The following PTPRD variants were observed in gnomAD, a reference collection of about 807,000 sequenced individuals.
PTPRD encodes receptor-type tyrosine-protein phosphatase delta.
A neutral mutation model predicts 214.5 loss-of-function variants in PTPRD; 34 were observed. The observed-to-expected ratio is 0.16, with a 90% confidence interval of 0.12 to 0.21. The LOEUF is 0.21. Among genes scored for constraint, PTPRD ranks in the 10% least tolerant of loss-of-function variants. PTPRD has a pLI of 1.00. For missense variants in PTPRD, 2,545 were observed against 2,398.7 expected (o/e 1.06, Z -1.27); for synonymous variants, 1,128 against 845.7 (o/e 1.33, Z -5.79).
intron 9 of PTPRD, among the ~76,000 whole-genome samples, chr9:9,352,673 C>T (rs775384973): frequency 1.3e-4 from 19 of 151,768 alleles, no homozygotes; most frequent in African/African-American, 2.2e-4. Flanking sequence ...AATGTAGAAA[C>T]GTGTAAGCAT....
At chr9:9,175,768 T>C (rs562349724) in intron 10 of PTPRD, among the ~76,000 whole-genome samples, 1 of 151,550 alleles carries the variant, frequency 6.6e-6, no homozygotes, top group Non-Finnish European at 1.5e-5. Context: ...CAAGTACCTC[T>C]CCCCATGGTC....
chr9:8,713,895 GA>G (rs149237265), intron 12 of PTPRD: 158,734 of 592,380 alleles, frequency 0.27, 3,061 homozygotes, highest in South Asian at 0.36. Flanking sequence ...CGCCCCGGTG[GA>G]AAAAAAAAAA....
At chr9:9,465,438 C>T (rs1265113722) in intron 8 of PTPRD, among the ~76,000 whole-genome samples, 2 of 152,124 alleles carry the variant, frequency 1.3e-5, no homozygotes, top group Non-Finnish European at 2.9e-5. Flanking sequence ...TTGTTTGAGT[C>T]AGAGGAGTCC....
chr9:8,687,095 C>G (rs1597011024), intron 12 of PTPRD, among the ~76,000 whole-genome samples: 1 of 152,146 alleles, frequency 6.6e-6, no homozygotes, highest in African/African-American at 2.4e-5. Context: ...ATGCTGGATA[C>G]ATTCTGAATG....
chr9:9,178,611 T>C (rs942249532), intron 10 of PTPRD, among the ~76,000 whole-genome samples: 2 of 152,106 alleles, frequency 1.3e-5, no homozygotes, highest in Non-Finnish European at 1.5e-5. Flanking sequence ...CTAAGTCTAG[T>C]TATGAAGAGT....
intron 11 of PTPRD, among the ~76,000 whole-genome samples, chr9:8,983,970 T>C (rs1008757700): frequency 6.6e-6 from 1 of 152,128 alleles, no homozygotes; most frequent in Non-Finnish European, 1.5e-5. Context: ...ACCAATATTT[T>C]AAAATTCCAA....
intron 9 of PTPRD, among the ~76,000 whole-genome samples, chr9:9,370,334 G>C (rs1342834555): frequency 1.3e-5 from 2 of 151,968 alleles, no homozygotes; most frequent in Non-Finnish European, 2.9e-5. Context: ...CACATCCCTT[G>C]TAAGTTGGAT....
chr9:9,900,021 G>C (rs971952755), intron 5 of PTPRD, among the ~76,000 whole-genome samples: 11 of 151,984 alleles, frequency 7.2e-5, no homozygotes, highest in African/African-American at 1.7e-4. Flanking sequence ...AGGCTGGGGG[G>C]AAAACAAGAA....
At chr9:9,166,393 CA>C (rs1473609269) in intron 10 of PTPRD, among the ~76,000 whole-genome samples, 1 of 152,140 alleles carries the variant, frequency 6.6e-6, no homozygotes, top group African/African-American at 2.4e-5. Flanking sequence ...CTCTCTTCTG[CA>C]GCCTCTAGGC....
intron 12 of PTPRD, among the ~76,000 whole-genome samples, chr9:8,653,033 C>G (rs1173347805): frequency 1.3e-5 from 2 of 152,254 alleles, no homozygotes; most frequent in East Asian, 3.9e-4. Context: ...AGGAAAGGTG[C>G]TTTAAAGCTC....
chr9:9,893,194 GAC>G (rs1323596085), intron 5 of PTPRD, among the ~76,000 whole-genome samples: 1 of 151,986 alleles, frequency 6.6e-6, no homozygotes, highest in Admixed American at 6.6e-5. Flanking sequence ...ACAGACTAGT[GAC>G]ACTACAAAGC....
intron 6 of PTPRD, among the ~76,000 whole-genome samples, chr9:9,763,738 T>A (rs2098681757): frequency 6.7e-6 from 1 of 150,370 alleles, no homozygotes; most frequent in Admixed American, 6.6e-5. Context: ...GACAACACAT[T>A]CTTTATTTCA....
At position 10,604,083 on chromosome 9, in the gene PTPRD, G is replaced by A. The variant is rs1437225171; in HGVS notation, c.-600+8315C>T. ...AAGTTAAAAAACATAGGCAGAAGAG[G>A]GGAACTTGGCAATAGAAACAGAAAT... is the stretch of plus-strand genomic sequence containing the variant. On this transcript the variant is annotated intron_variant, in intron 2 of 45. Coordinates refer to ENST00000381196, the MANE Select transcript of PTPRD (RefSeq NM_002839.4). Among the ~76,000 whole-genome samples, 7 of 151,790 alleles carry A rather than the reference G, an allele frequency of 4.6e-5. No homozygotes were observed. The East Asian group carries it at 9.7e-4, about 21-fold the overall frequency.
chr9:9,620,481 T>G (rs765723998), intron 7 of PTPRD, among the ~76,000 whole-genome samples: 3 of 152,172 alleles, frequency 2.0e-5, no homozygotes, highest in Non-Finnish European at 4.4e-5. Flanking sequence ...CTTCCAATAT[T>G]AAACCATACC....
intron 8 of PTPRD, among the ~76,000 whole-genome samples, chr9:9,414,387 C>CA (rs1412964444): frequency 6.6e-6 from 1 of 152,014 alleles, no homozygotes; most frequent in Non-Finnish European, 1.5e-5. Context: ...GTCTTTGCAT[C>CA]AAAAAATAGG....
intron 3 of PTPRD, among the ~76,000 whole-genome samples, chr9:10,189,341 C>A (rs1016177275): frequency 3.3e-5 from 5 of 152,094 alleles, no homozygotes; most frequent in African/African-American, 9.7e-5. Context: ...GAGTTCCATA[C>A]GCATGGGTCT....
chr9:8,958,253 TTC>T (rs1253205497), intron 11 of PTPRD, among the ~76,000 whole-genome samples: 1 of 151,908 alleles, frequency 6.6e-6, no homozygotes, highest in Non-Finnish European at 1.5e-5. Context: ...TGCTTGCCAC[TTC>T]TCTCTCTGTC....
intron 8 of PTPRD, among the ~76,000 whole-genome samples, chr9:9,471,712 A>G (rs963797982): frequency 2.7e-4 from 41 of 152,246 alleles, no homozygotes; most frequent in African/African-American, 9.1e-4. Flanking sequence ...AATTCAATGC[A>G]TTTCAGTTAC....
At chr9:8,766,492 AAATG>A (rs759496872) in intron 11 of PTPRD, among the ~76,000 whole-genome samples, 1 of 152,224 alleles carries the variant, frequency 6.6e-6, no homozygotes, top group Non-Finnish European at 1.5e-5. Flanking sequence ...GAAAATGAAC[AAATG>A]AATGATTAAA....
Sources: gnomAD v4.1 joint callset for allele counts (sites outside exome capture counted in the v4.1 genomes callset) on GRCh38, gnomAD v4.1.1 for gene constraint, MANE v1.5 for transcripts, NCBI Gene and HGNC (gene_info 2026-07-23, HGNC 2026-07-21) for gene names.